Variants in MICU3 observed in about 807,000 individuals in gnomAD.
MICU3 encodes the protein calcium uptake protein 3, mitochondrial.
Under a neutral mutation model 66.5 loss-of-function variants are expected in MICU3, and 62 were observed. That is an observed-to-expected ratio of 0.93 (90% CI 0.76 to 1.15). The LOEUF (loss-of-function observed/expected upper bound fraction) is 1.15. Among genes scored for constraint, MICU3 ranks in the 50% most tolerant of loss-of-function variants. The pLI, the probability that MICU3 is intolerant of heterozygous loss-of-function variation, is 0.00. For synonymous variants in MICU3, 308 were observed against 240.7 expected (o/e 1.28, Z -2.59); for missense variants, 779 against 664.4 (o/e 1.17, Z -1.90).
At chr8:17,075,163 T>C (rs557773358) in intron 3 of MICU3, among the ~76,000 whole-genome samples, 1 of 152,268 alleles carries the variant, frequency 6.6e-6, no homozygotes, top group East Asian at 1.9e-4. Flanking sequence ...ACAGAGCTTC[T>C]ATGCCTTCTT....
intron 1 of MICU3, among the ~76,000 whole-genome samples, chr8:17,039,350 T>G (rs1404009337): frequency 6.6e-6 from 1 of 152,188 alleles, no homozygotes; most frequent in Non-Finnish European, 1.5e-5. Flanking sequence ...AAAGTCCCAG[T>G]TTTTTATAGT....
intron 1 of MICU3, among the ~76,000 whole-genome samples, chr8:17,061,736 A>T (rs1232121163): frequency 1.3e-5 from 2 of 152,188 alleles, no homozygotes; most frequent in African/African-American, 4.8e-5. Context: ...AACTCTAGTC[A>T]CAGATGAGAT....
At chr8:17,119,130 T>G (rs1802973276) in intron 14 of MICU3, among the ~76,000 whole-genome samples, 1 of 152,142 alleles carries the variant, frequency 6.6e-6, no homozygotes, top group South Asian at 2.1e-4. Context: ...CTTCCACAGG[T>G]AGTATCTCAT....
intron 1 of MICU3, among the ~76,000 whole-genome samples, chr8:17,027,915 A>G (rs927058077): frequency 1.3e-5 from 2 of 152,000 alleles, no homozygotes; most frequent in African/African-American, 2.4e-5. Context: ...CAAACCCAAA[A>G]CCAACACCCC....
At chr8:17,137,705 CTTTTTTTTTTTTTTTT>C in the MICU3 span, among the ~76,000 whole-genome samples, 10 of 102,934 alleles carry the variant, frequency 9.7e-5, no homozygotes, top group South Asian at 7.0e-4. Context: ...TTTTCTTTTC[CTTTTTTTTTTTTTTTT>C]TTTTTTTTTT....
intron 1 of MICU3, among the ~76,000 whole-genome samples, chr8:17,051,845 A>C (rs372239674): frequency 6.6e-6 from 1 of 152,132 alleles, no homozygotes; most frequent in Non-Finnish European, 1.5e-5. Context: ...CCTTGCTGTA[A>C]AGGGAAGGAG....
At chr8:17,091,695 T>C (rs1452823498) in intron 8 of MICU3, among the ~76,000 whole-genome samples, 1 of 152,086 alleles carries the variant, frequency 6.6e-6, no homozygotes, top group African/African-American at 2.4e-5. Context: ...TACAAGATAC[T>C]TTAAATTTTT....
chr8:17,057,229 G>A (rs1240777091), intron 1 of MICU3, among the ~76,000 whole-genome samples: 1 of 152,160 alleles, frequency 6.6e-6, no homozygotes, highest in Non-Finnish European at 1.5e-5. Context: ...GTTCCAGAGG[G>A]AACCTGTGGA....
At chr8:17,136,781 G>C in the MICU3 span, among the ~76,000 whole-genome samples, 1 of 152,014 alleles carries the variant, frequency 6.6e-6, no homozygotes, top group African/African-American at 2.4e-5. Flanking sequence ...TAGGCTGGCA[G>C]TGCCGTGGTG....
At chr8:17,087,694 T>C (rs1232506943) in intron 7 of MICU3, among the ~76,000 whole-genome samples, 1 of 152,038 alleles carries the variant, frequency 6.6e-6, no homozygotes, top group Non-Finnish European at 1.5e-5. Flanking sequence ...CCAACAATTC[T>C]CTTAGTATCC....
chr8:17,137,819 C>A, the MICU3 span, among the ~76,000 whole-genome samples: 2 of 145,524 alleles, frequency 1.4e-5, no homozygotes, highest in African/African-American at 5.0e-5. Context: ...CAGATTCAAG[C>A]AGTTCTCCTG....
downstream of MICU3, among the ~76,000 whole-genome samples, chr8:17,126,959 G>A (rs1803419940): frequency 1.3e-5 from 2 of 152,134 alleles, no homozygotes; most frequent in East Asian, 1.9e-4. Context: ...AGAGACAAAT[G>A]AACTTGATTA....
At chr8:17,079,026 T>C (rs895517989) in intron 4 of MICU3, among the ~76,000 whole-genome samples, 1 of 152,086 alleles carries the variant, frequency 6.6e-6, no homozygotes, top group African/African-American at 2.4e-5. Flanking sequence ...ACAAATTGGA[T>C]CAAATATAAT....
chr8:17,104,341 TTC>T (rs772623188), intron 9 of MICU3, 48 bp from the exon 10 acceptor site: 120 of 898,508 alleles, frequency 1.3e-4, no homozygotes, highest in Non-Finnish European at 1.7e-4. Flanking sequence ...GGTATCCCTA[TTC>T]TGTTTCTTTT....
chr8:17,047,108 T>C (rs1235641683), intron 1 of MICU3, among the ~76,000 whole-genome samples: 2 of 152,148 alleles, frequency 1.3e-5, no homozygotes, highest in Non-Finnish European at 2.9e-5. Flanking sequence ...ATAGGATAAT[T>C]TGGTTGAGTC....
downstream of MICU3, among the ~76,000 whole-genome samples, chr8:17,124,366 T>C (rs1310278909): frequency 2.0e-5 from 3 of 151,800 alleles, no homozygotes; most frequent in African/African-American, 7.3e-5. Context: ...TGACCAGAAC[T>C]ATATATTTAG....
rs2150554875 is a variant in MICU3, at chr8:17,047,663, G to C, written c.382-16421G>C. Among the ~76,000 whole-genome samples the C allele has an allele frequency of 1.3e-5, 2 of 152,180 alleles. 1 individual carries two copies. Among genetic ancestry groups the C allele is most frequent in the Middle Eastern group, 6.8e-3 (2 of 294 alleles). ...AACAGACAGAAGCCAGAGGACAGTG[G>C]GCTATATCTTCAAAAGTGAGAGAAA... On this transcript the variant is annotated intron_variant, in intron 1 of 14. Coordinates refer to ENST00000318063, the MANE Select transcript of MICU3 (RefSeq NM_181723.3).
chr8:17,038,659 G>A (rs1238674139), intron 1 of MICU3, among the ~76,000 whole-genome samples: 1 of 152,114 alleles, frequency 6.6e-6, no homozygotes, highest in Non-Finnish European at 1.5e-5. Flanking sequence ...AAAAGGAAGA[G>A]TCCGTCGATG....
At chr8:17,030,810 A>C (rs62503718) in intron 1 of MICU3, among the ~76,000 whole-genome samples, 17,101 of 152,156 alleles carry the variant, frequency 0.11, 1,031 homozygotes, top group South Asian at 0.23. Context: ...CTGTATAGCA[A>C]ATATTAATAC....
Sources: allele counts gnomAD v4.1 joint callset (sites outside exome capture counted in the v4.1 genomes callset), GRCh38; gene constraint gnomAD v4.1.1; transcripts MANE v1.5; gene names NCBI Gene and HGNC (gene_info 2026-07-23, HGNC 2026-07-21).